Variants in CDKAL1 observed in about 807,000 individuals in gnomAD.
CDKAL1 encodes the protein CDKAL1 threonylcarbamoyladenosine tRNA methylthiotransferase, also known as threonylcarbamoyladenosine tRNA methylthiotransferase.
CDKAL1 carries 32 observed loss-of-function variants against 68.2 expected under a neutral mutation model. The observed-to-expected ratio is 0.47, with a 90% CI of 0.35 to 0.63. CDKAL1 has a LOEUF of 0.63. CDKAL1 is among the 30% of genes least tolerant of loss of function. CDKAL1 has a pLI of 0.00. For synonymous variants in CDKAL1, 234 were observed against 244.3 expected (o/e 0.96, Z 0.39); for missense variants, 606 against 696.7 (o/e 0.87, Z 1.47).
intron 11 of CDKAL1, among the ~76,000 whole-genome samples, chr6:21,028,790 AT>A (rs1363413861): frequency 6.6e-6 from 1 of 152,228 alleles, no homozygotes; most frequent in East Asian, 1.9e-4. Flanking sequence ...TCAAAGGCAC[AT>A]AACTAGTTAC....
intron 5 of CDKAL1, among the ~76,000 whole-genome samples, chr6:20,710,958 T>C (rs1391438584): frequency 6.6e-6 from 1 of 152,172 alleles, no homozygotes; most frequent in East Asian, 1.9e-4. Context: ...TAAGCCCTCA[T>C]TTCTTTGTAA....
intron 5 of CDKAL1, among the ~76,000 whole-genome samples, chr6:20,724,103 T>C (rs1272589547): frequency 6.6e-6 from 1 of 152,078 alleles, no homozygotes; most frequent in African/African-American, 2.4e-5. Context: ...TGGATACTTT[T>C]TTTTTGTATT....
At chr6:20,876,184 C>G (rs1760504384) in intron 9 of CDKAL1, among the ~76,000 whole-genome samples, 1 of 152,228 alleles carries the variant, frequency 6.6e-6, no homozygotes, top group Non-Finnish European at 1.5e-5. Flanking sequence ...TCTGAGCACC[C>G]TGGTGGGTTT....
At chr6:20,595,971 A>G (rs1202905706) in intron 4 of CDKAL1, among the ~76,000 whole-genome samples, 1 of 152,202 alleles carries the variant, frequency 6.6e-6, no homozygotes, top group Non-Finnish European at 1.5e-5. Flanking sequence ...GGTCCACTCC[A>G]GACCCTGTTT....
In CDKAL1 at chr6:20,770,195, T is replaced by C. The variant is rs143602255; in HGVS notation, c.518-10950T>C. ...TTTTTATAGAAAATTCTGAGTATAC[T>C]GTTTGAGTCATACCATGCTATAAAG... On this transcript the variant is annotated intron_variant, in intron 7 of 15. Transcript: ENST00000274695. 9.2e-3 allele frequency among the ~76,000 whole-genome samples: 1,406 copies of C among 152,286 alleles called. 28 individuals are homozygous for C. Among genetic ancestry groups the C allele is most frequent in the South Asian group, 0.049 (237 of 4,820 alleles).
chr6:21,080,085 T>C (rs1316049768), intron 12 of CDKAL1, among the ~76,000 whole-genome samples: 2 of 151,674 alleles, frequency 1.3e-5, no homozygotes, highest in Admixed American at 1.3e-4. Context: ...TCTTTTTTTT[T>C]TTTTTCTTTG....
intron 8 of CDKAL1, among the ~76,000 whole-genome samples, chr6:20,802,633 A>C (rs1776417139): frequency 1.3e-5 from 2 of 152,132 alleles, no homozygotes; most frequent in South Asian, 4.1e-4. Flanking sequence ...TTCCAGTTGG[A>C]TGATTGCAAA....
At chr6:21,193,005 A>G (rs1352489349) in intron 13 of CDKAL1, among the ~76,000 whole-genome samples, 2 of 151,534 alleles carry the variant, frequency 1.3e-5, no homozygotes, top group East Asian at 3.9e-4. Flanking sequence ...TTTTTGTAGA[A>G]ACGAGGTCTT....
At chr6:20,542,602 T>C (rs933641283) in intron 2 of CDKAL1, among the ~76,000 whole-genome samples, 1 of 152,164 alleles carries the variant, frequency 6.6e-6, no homozygotes, top group Admixed American at 6.6e-5. Flanking sequence ...TTAACTATTT[T>C]ATTCTAACAT....
chr6:21,142,412 T>C (rs1393934356), intron 13 of CDKAL1, among the ~76,000 whole-genome samples: 1 of 151,868 alleles, frequency 6.6e-6, no homozygotes, highest in East Asian at 1.9e-4. Flanking sequence ...ACCCAAACAG[T>C]AGAGTTTATG....
chr6:21,171,653 G>A (rs1777394408), intron 13 of CDKAL1, among the ~76,000 whole-genome samples: 1 of 152,104 alleles, frequency 6.6e-6, no homozygotes, highest in South Asian at 2.1e-4. Context: ...GAGCATTCAG[G>A]TTGTCTCCAA....
chr6:20,643,927 C>T (rs757022909), intron 4 of CDKAL1, among the ~76,000 whole-genome samples: 1 of 151,974 alleles, frequency 6.6e-6, no homozygotes, highest in Non-Finnish European at 1.5e-5. Context: ...TGGGATCAAG[C>T]GAATTTCCTG....
At chr6:20,665,901 C>T (rs973415578) in intron 5 of CDKAL1, among the ~76,000 whole-genome samples, 4 of 151,918 alleles carry the variant, frequency 2.6e-5, no homozygotes, top group Admixed American at 6.6e-5. Context: ...ATCTGTGTAG[C>T]GGAAGACATC....
intron 9 of CDKAL1, among the ~76,000 whole-genome samples, chr6:20,939,602 C>T (rs1763879011): frequency 6.6e-6 from 1 of 152,082 alleles, no homozygotes; most frequent in African/African-American, 2.4e-5. Flanking sequence ...TAAGCTTGGG[C>T]CAGTGCAATT....
chr6:21,045,224 G>T (rs1770156143), intron 11 of CDKAL1, among the ~76,000 whole-genome samples: 1 of 152,204 alleles, frequency 6.6e-6, no homozygotes, highest in African/African-American at 2.4e-5. Flanking sequence ...AGATCGGAAT[G>T]ATATAGCAGG....
intron 5 of CDKAL1, among the ~76,000 whole-genome samples, chr6:20,658,757 G>C (rs1242204096): frequency 2.0e-5 from 3 of 152,054 alleles, no homozygotes; most frequent in Non-Finnish European, 4.4e-5. Flanking sequence ...ACCCTTTCCA[G>C]TTCTCTTGTT....
At chr6:21,081,188 A>C (rs1772379587) in intron 12 of CDKAL1, among the ~76,000 whole-genome samples, 1 of 152,212 alleles carries the variant, frequency 6.6e-6, no homozygotes, top group South Asian at 2.1e-4. Context: ...TTCTTTTACG[A>C]ATTTGTAATT....
intron 5 of CDKAL1, among the ~76,000 whole-genome samples, chr6:20,705,650 C>G (rs190279170): frequency 6.6e-6 from 1 of 152,306 alleles, no homozygotes; most frequent in East Asian, 1.9e-4. Flanking sequence ...ATTCAGGACA[C>G]ATTTTTACTC....
rs561186901 is a variant in CDKAL1, at chr6:21,128,479, G to A, written c.1299+20016G>A. On this transcript the variant is annotated intron_variant, in intron 13 of 15. Coordinates refer to ENST00000274695, the MANE Select transcript of CDKAL1 (RefSeq NM_017774.3). ...CTACCTCATTGGGTTGACTTTACCTGGCCAAAGAAAATATCATCATAATTA... is the reference window on the plus strand; with the variant it reads ...CTACCTCATTGGGTTGACTTTACCTAGCCAAAGAAAATATCATCATAATTA... Among the ~76,000 whole-genome samples the A allele has an allele frequency of 6.6e-5, 10 of 152,214 alleles. No homozygotes were observed. The South Asian group carries it at 2.1e-3, about 32-fold the overall frequency.
Sources: allele counts gnomAD v4.1 joint callset (sites outside exome capture counted in the v4.1 genomes callset), GRCh38; gene constraint gnomAD v4.1.1; transcripts MANE v1.5; gene names NCBI Gene and HGNC (gene_info 2026-07-23, HGNC 2026-07-21).